Variants in SAMMSON observed in about 807,000 individuals in gnomAD.
SAMMSON encodes the protein survival associated mitochondrial melanoma specific oncogenic non-coding RNA, also known as long intergenic non-protein coding RNA 1212.
chr3:70,087,890 A>G (rs190151069), intron 4 of SAMMSON, among the ~76,000 whole-genome samples: 244 of 152,258 alleles, frequency 1.6e-3, no homozygotes, highest in African/African-American at 5.7e-3. Flanking sequence ...TGTTTAAGGG[A>G]TGTATGGATG....
chr3:70,406,804 G>T (rs1235693248), intron 2 of SAMMSON, among the ~76,000 whole-genome samples: 1 of 152,204 alleles, frequency 6.6e-6, no homozygotes, highest in Non-Finnish European at 1.5e-5. Context: ...AGAGGTAAAA[G>T]AGAGACAATA....
At chr3:70,218,115 T>A (rs1701432165) in intron 4 of SAMMSON, among the ~76,000 whole-genome samples, 1 of 152,170 alleles carries the variant, frequency 6.6e-6, no homozygotes, top group Non-Finnish European at 1.5e-5. Context: ...GGATTTAAGA[T>A]CTATTTTCTT....
chr3:70,022,405 C>A (rs1167888798), intron 3 of SAMMSON, among the ~76,000 whole-genome samples: 2 of 123,566 alleles, frequency 1.6e-5, no homozygotes, highest in Non-Finnish European at 3.2e-5. Flanking sequence ...CACATGTACC[C>A]TAAAACTTAA....
chr3:70,270,039 A>T (rs972996573), intron 6 of SAMMSON, among the ~76,000 whole-genome samples: 8 of 152,228 alleles, frequency 5.3e-5, no homozygotes, highest in African/African-American at 1.9e-4. Context: ...TAAATCCATG[A>T]GTTTATTTTT....
At chr3:70,190,192 A>C (rs1267672411) in intron 4 of SAMMSON, among the ~76,000 whole-genome samples, 3 of 152,190 alleles carry the variant, frequency 2.0e-5, no homozygotes, top group African/African-American at 7.2e-5. Context: ...GAAGAGTTTG[A>C]GAAAGGACTA....
At chr3:70,151,998 A>T (rs1394721634) in intron 4 of SAMMSON, among the ~76,000 whole-genome samples, 1 of 152,060 alleles carries the variant, frequency 6.6e-6, no homozygotes, top group African/African-American at 2.4e-5. Context: ...TGCAGATCAC[A>T]GCACTAGAAG....
At chr3:70,250,589 C>T (rs1575606668) in intron 6 of SAMMSON, among the ~76,000 whole-genome samples, 1 of 152,112 alleles carries the variant, frequency 6.6e-6, no homozygotes, top group African/African-American at 2.4e-5. Flanking sequence ...AGTCTCTGAG[C>T]AGCCAGTTTG....
chr3:70,109,563 C>T (rs1254165152), intron 4 of SAMMSON, among the ~76,000 whole-genome samples: 7 of 152,176 alleles, frequency 4.6e-5, no homozygotes, highest in African/African-American at 1.7e-4. Flanking sequence ...TATTTTCTTT[C>T]CCTGAAAGCC....
At chr3:70,218,767 T>C (rs1316379697) in intron 4 of SAMMSON, among the ~76,000 whole-genome samples, 1 of 152,114 alleles carries the variant, frequency 6.6e-6, no homozygotes, top group Non-Finnish European at 1.5e-5. Context: ...AAAAAAAAAT[T>C]CTTCAGCATT....
intron 7 of SAMMSON, among the ~76,000 whole-genome samples, chr3:70,342,595 A>G (rs760536812): frequency 4.6e-5 from 7 of 152,194 alleles, no homozygotes; most frequent in Non-Finnish European, 8.8e-5. Context: ...ACTGCGAGCT[A>G]CATTTTCCAA....
At chr3:70,101,397 T>C (rs932749956) in intron 4 of SAMMSON, among the ~76,000 whole-genome samples, 1 of 150,888 alleles carries the variant, frequency 6.6e-6, no homozygotes, top group Non-Finnish European at 1.5e-5. Flanking sequence ...ACATTTTTTA[T>C]GAAAAAAAAA....
At chr3:70,375,367 A>G (rs1426114367) in intron 9 of SAMMSON, among the ~76,000 whole-genome samples, 1 of 142,816 alleles carries the variant, frequency 7.0e-6, no homozygotes, top group Middle Eastern at 3.6e-3. Context: ...ACATTTTATG[A>G]TGTGTGTTTT....
At chr3:70,063,077 T>C (rs919092434) in intron 3 of SAMMSON, among the ~76,000 whole-genome samples, 3 of 152,104 alleles carry the variant, frequency 2.0e-5, no homozygotes, top group African/African-American at 7.2e-5. Context: ...CTCTTCCTTC[T>C]GTCACCAGCC....
At chr3:70,100,533 G>GAAAAGAA (rs143471172) in intron 4 of SAMMSON, among the ~76,000 whole-genome samples, 2 of 149,348 alleles carry the variant, frequency 1.3e-5, no homozygotes, top group Admixed American at 1.3e-4. Flanking sequence ...GGGGGGGGGG[G>GAAAAGAA]AAGCACCAAA....
intron 1 of SAMMSON, among the ~76,000 whole-genome samples, chr3:70,002,660 G>C (rs1050432815): frequency 5.3e-5 from 8 of 152,252 alleles, no homozygotes; most frequent in African/African-American, 1.2e-4. Flanking sequence ...TCCAAGTACT[G>C]TATATGGATT....
At chr3:70,198,352 A>T (rs1701201797) in intron 4 of SAMMSON, among the ~76,000 whole-genome samples, 3 of 152,088 alleles carry the variant, frequency 2.0e-5, no homozygotes, top group Non-Finnish European at 4.4e-5. Context: ...TATAGAAGAG[A>T]TTTTGCCTAC....
intron 3 of SAMMSON, among the ~76,000 whole-genome samples, chr3:70,050,235 C>A (rs181125707): frequency 6.6e-6 from 1 of 152,120 alleles, no homozygotes; most frequent in African/African-American, 2.4e-5. Context: ...AAATATTTTG[C>A]GTTCTGTGTA....
At chr3:70,022,244 C>A (rs1407228336) in intron 3 of SAMMSON, among the ~76,000 whole-genome samples, 1 of 120,960 alleles carries the variant, frequency 8.3e-6, no homozygotes. Context: ...CCCAAATGTA[C>A]CTAATTTGAT....
chr3:70,162,101 T>C (rs920000140), intron 4 of SAMMSON, among the ~76,000 whole-genome samples: 4 of 151,810 alleles, frequency 2.6e-5, no homozygotes, highest in African/African-American at 9.7e-5. Flanking sequence ...TTTCATTGAT[T>C]TTATTTATTT....
Sources: gnomAD v4.1 joint callset for allele counts (sites outside exome capture counted in the v4.1 genomes callset) on GRCh38, gnomAD v4.1.1 for gene constraint, MANE v1.5 for transcripts, NCBI Gene and HGNC (gene_info 2026-07-23, HGNC 2026-07-21) for gene names.